Variants in NPSR1 observed in about 807,000 individuals in gnomAD.
NPSR1 encodes the protein neuropeptide S receptor 1.
Under a neutral mutation model 46.9 loss-of-function variants are expected in NPSR1, and 48 were observed. That is an observed-to-expected ratio of 1.02 (90% CI 0.81 to 1.30). The LOEUF is 1.30. NPSR1 is among the 50% of genes most tolerant of loss of function. The pLI, the probability that NPSR1 is intolerant of heterozygous loss-of-function variation, is 0.00. For synonymous variants in NPSR1, 176 were observed against 168.1 expected, an observed-to-expected ratio of 1.05 and a Z score of -0.36; for missense variants, 450 against 449.5, an observed-to-expected ratio of 1.00 and a Z score of -0.01.
chr7:34,679,150 A>G (rs573954385), intron 1 of NPSR1, among the ~76,000 whole-genome samples: 25 of 152,336 alleles, frequency 1.6e-4, no homozygotes, highest in African/African-American at 5.5e-4. Flanking sequence ...TTACTAGTGA[A>G]CAAATTAAAA....
intron 2 of NPSR1, among the ~76,000 whole-genome samples, chr7:34,718,074 A>C (rs1405458002): frequency 6.6e-6 from 1 of 152,182 alleles, no homozygotes; most frequent in African/African-American, 2.4e-5. Context: ...AATATTGAGA[A>C]CCCAAAAGAA....
At chr7:34,876,048 G>C (rs1355613850) in intron 8 of NPSR1, among the ~76,000 whole-genome samples, 1 of 152,202 alleles carries the variant, frequency 6.6e-6, no homozygotes, top group Non-Finnish European at 1.5e-5. Flanking sequence ...ACTTTGCCAG[G>C]GACTGGTAGG....
chr7:34,861,375 A>G (rs544175063), intron 8 of NPSR1, among the ~76,000 whole-genome samples: 55 of 151,752 alleles, frequency 3.6e-4, no homozygotes, highest in Non-Finnish European at 6.9e-4. Flanking sequence ...CTTTCCTCAG[A>G]TCTTTGCCCA....
intron 2 of NPSR1, among the ~76,000 whole-genome samples, chr7:34,746,421 T>C (rs1785204824): frequency 6.6e-6 from 1 of 152,096 alleles, no homozygotes; most frequent in Non-Finnish European, 1.5e-5. Flanking sequence ...TTCATTTCTT[T>C]ATGTGCCTGA....
At chr7:34,684,768 A>T in intron 2 of NPSR1, 84 bp downstream of exon 2, 1 of 1,195,396 alleles carries the variant, frequency 8.4e-7, no homozygotes, top group Non-Finnish European at 1.1e-6. Context: ...TATCAAAAAA[A>T]AAAAAATGTA....
intron 1 of NPSR1, among the ~76,000 whole-genome samples, chr7:34,683,010 G>A (rs540051069): frequency 6.6e-6 from 1 of 152,160 alleles, no homozygotes; most frequent in Non-Finnish European, 1.5e-5. Context: ...TCACCACAAT[G>A]CCTATCCTCA....
chr7:34,751,482 C>T (rs1447523279), intron 2 of NPSR1: 2 of 1,258,196 alleles, frequency 1.6e-6, no homozygotes, highest in African/African-American at 1.5e-5. Context: ...TTAGTTCTGC[C>T]TCCGTGTCAT....
intron 3 of NPSR1, among the ~76,000 whole-genome samples, chr7:34,803,372 G>T (rs1006953133): frequency 6.6e-6 from 1 of 152,146 alleles, no homozygotes; most frequent in African/African-American, 2.4e-5. Context: ...ATACACCATG[G>T]AATACTATGC....
chr7:34,745,076 A>T (rs1296212809), intron 2 of NPSR1, among the ~76,000 whole-genome samples: 1 of 152,220 alleles, frequency 6.6e-6, no homozygotes, highest in East Asian at 1.9e-4. Flanking sequence ...GTATCCATGG[A>T]AGGCTATCCA....
At chr7:34,658,618 T>C (rs1327447992) in intron 1 of NPSR1, 59 bp downstream of exon 1, 2 of 1,511,310 alleles carry the variant, frequency 1.3e-6, no homozygotes, top group East Asian at 2.3e-5. Context: ...TGCTGGAACT[T>C]AAGAGTGTCA....
At chr7:34,796,361 T>A (rs979944519) in intron 3 of NPSR1, among the ~76,000 whole-genome samples, 13 of 152,072 alleles carry the variant, frequency 8.5e-5, no homozygotes, top group East Asian at 3.9e-4. Flanking sequence ...AAAATTAAAA[T>A]TTCTGCTCTG....
At chr7:34,794,230 C>A (rs1162807109) in intron 3 of NPSR1, among the ~76,000 whole-genome samples, 1 of 152,014 alleles carries the variant, frequency 6.6e-6, no homozygotes, top group Non-Finnish European at 1.5e-5. Context: ...TTTAAATGTT[C>A]TCACCATAAA....
At chr7:34,708,484 C>A (rs1794219239) in intron 2 of NPSR1, among the ~76,000 whole-genome samples, 1 of 152,156 alleles carries the variant, frequency 6.6e-6, no homozygotes, top group Non-Finnish European at 1.5e-5. Context: ...AGCCAGGGTA[C>A]TTAACAAAAG....
chr7:34,751,230 G>C (rs17788685), intron 2 of NPSR1: 379,406 of 1,071,086 alleles, frequency 0.35, 71,048 homozygotes, highest in Non-Finnish European at 0.39. Context: ...CAGTGGCAAC[G>C]ATGAGATTAG....
At chr7:34,839,771 C>A (rs1234540691) in intron 6 of NPSR1, among the ~76,000 whole-genome samples, 1 of 152,096 alleles carries the variant, frequency 6.6e-6, no homozygotes, top group Non-Finnish European at 1.5e-5. Context: ...TAAGGTACTC[C>A]TCAGCACCTC....
chr7:34,850,149 C>T (rs527463363), downstream of NPSR1, among the ~76,000 whole-genome samples: 12 of 152,356 alleles, frequency 7.9e-5, no homozygotes, highest in South Asian at 2.5e-3. Context: ...AATTCATTTC[C>T]AGGCATTGGT....
chr7:34,725,375 G>T (rs1193836958), intron 2 of NPSR1, among the ~76,000 whole-genome samples: 2 of 152,032 alleles, frequency 1.3e-5, no homozygotes, highest in Non-Finnish European at 2.9e-5. Context: ...TCCTCTACCG[G>T]GATAAGATCA....
At chr7:34,711,485 T>C (rs529334520) in intron 2 of NPSR1, 1 of 152,244 alleles carries the variant, frequency 6.6e-6, no homozygotes, top group East Asian at 1.9e-4. Context: ...TAAAATAAGG[T>C]GTCTGCCATG....
At chr7:34,843,057 T>C (rs889425546) in intron 6 of NPSR1, among the ~76,000 whole-genome samples, 17 of 152,220 alleles carry the variant, frequency 1.1e-4, no homozygotes, top group African/African-American at 3.9e-4. Flanking sequence ...ATCCTTCTTA[T>C]GTCATTTGAG....
Sources: gnomAD v4.1 joint callset for allele counts (sites outside exome capture counted in the v4.1 genomes callset) on GRCh38, gnomAD v4.1.1 for gene constraint, MANE v1.5 for transcripts, NCBI Gene and HGNC (gene_info 2026-07-23, HGNC 2026-07-21) for gene names.